USP35: variants seen among roughly 807,000 people sequenced by gnomAD.
USP35 encodes the protein ubiquitin specific peptidase 35, also known as ubiquitin carboxyl-terminal hydrolase 35.
A neutral mutation model predicts 83.8 loss-of-function variants in USP35; 69 were observed. That is an observed-to-expected ratio of 0.82 (90% CI 0.68 to 1.01). The LOEUF (loss-of-function observed/expected upper bound fraction) is 1.01, where lower values mean the gene tolerates loss of function less well. Ranked by LOEUF, USP35 falls within the 50% of genes least tolerant of loss-of-function variation. USP35 has a pLI of 0.00. For missense variants in USP35, 1,503 were observed against 1,362.5 expected (o/e 1.10, Z -1.62); for synonymous variants, 714 against 589.5 (o/e 1.21, Z -3.06).
intron 10 of USP35, among the ~76,000 whole-genome samples, chr11:78,212,641 C>CTGTT (rs1465815558): frequency 6.6e-6 from 1 of 150,826 alleles, no homozygotes. Flanking sequence ...GTATTTTATT[C>CTGTT]TGTTTGTAGC....
At chr11:78,228,980 A>G in the USP35 span, among the ~76,000 whole-genome samples, 1 of 152,058 alleles carries the variant, frequency 6.6e-6, no homozygotes, top group African/African-American at 2.4e-5. Flanking sequence ...CTGATGTCCT[A>G]ATTTCCATCT....
At chr11:78,221,878 A>C in the USP35 span, 2 of 758,174 alleles carry the variant, frequency 2.6e-6, no homozygotes, top group Middle Eastern at 6.4e-4. Context: ...CCCAGACCTC[A>C]GCCATTAGAG....
chr11:78,208,915 C>T lies in USP35; in HGVS notation c.1544C>T (p.Pro515Leu), dbSNP rs370455101. ...GCATCCTGGACGCCCTGGTTCAGCCCTGGCACCCAGCAGGACTGCTCGGAG... is the reference window on the plus strand; with the variant it reads ...GCATCCTGGACGCCCTGGTTCAGCCTTGGCACCCAGCAGGACTGCTCGGAG... ...LSASWTPWFS[P>L]GTQQDCSEYL... The change falls in exon 9 of 11, where the codon CCT becomes CTT. Residue 515 changes from proline to leucine, a missense_variant. Coordinates refer to ENST00000529308, the MANE Select transcript of USP35 (RefSeq NM_020798.4). 9 of 1,614,132 alleles carry T rather than the reference C, an allele frequency of 5.6e-6. No homozygotes were observed. Among genetic ancestry groups the T allele is most frequent in the African/African-American group, 1.3e-5 (1 of 74,938 alleles).
At chr11:78,194,832 C>T (rs191126998) in intron 1 of USP35, among the ~76,000 whole-genome samples, 2 of 152,284 alleles carry the variant, frequency 1.3e-5, no homozygotes, top group African/African-American at 4.8e-5. Flanking sequence ...CTGAAGCTGC[C>T]CTCAAGAACC....
At chr11:78,199,458 C>T (rs1863267632) in intron 3 of USP35, 137 bp from the exon 4 acceptor site, 2 of 1,339,362 alleles carry the variant, frequency 1.5e-6, no homozygotes, top group Admixed American at 2.0e-5. Context: ...CTGGTTCAGC[C>T]CACAGACCCC....
Position 78,213,981 on chromosome 11 carries a change from C to CTAAG in USP35, c.*170_*173dup, listed in dbSNP as rs369356283. 164 of 714,310 alleles carry CTAAG rather than the reference C, an allele frequency of 2.3e-4. 1 individual carries two copies. In the African/African-American group the frequency reaches 2.8e-3, roughly 12 times the overall value. The allele number at this position is 714,310 out of a possible 1,614,324, so 44.2% of individuals were successfully genotyped here. On this transcript the variant is annotated 3_prime_UTR_variant, in exon 11 of 11. Transcript: ENST00000529308. ...ATTCTCTCAGATATGGAAGTAAGAC[C>CTAAG]TAAGTCCCTTTCATTGGGGATCAGT...
intron 1 of USP35, among the ~76,000 whole-genome samples, chr11:78,189,968 C>G (rs1488745580): frequency 1.3e-5 from 2 of 152,130 alleles, no homozygotes; most frequent in African/African-American, 4.8e-5. Flanking sequence ...CCTGAGGGGC[C>G]AGAGATGGAG....
At chr11:78,234,478 T>C in the USP35 span, among the ~76,000 whole-genome samples, 1 of 151,912 alleles carries the variant, frequency 6.6e-6, no homozygotes, top group Non-Finnish European at 1.5e-5. Context: ...GTTCTTTTTT[T>C]ATTATTCCTA....
the USP35 span, among the ~76,000 whole-genome samples, chr11:78,235,215 C>A: frequency 6.6e-6 from 1 of 151,960 alleles, no homozygotes; most frequent in African/African-American, 2.4e-5. Flanking sequence ...TGCAGTGGCA[C>A]GATCTCGGCT....
the USP35 span, chr11:78,226,415 C>T: frequency 7.1e-7 from 1 of 1,408,324 alleles, no homozygotes. Flanking sequence ...ATTGAGAACC[C>T]CTGTGTTACC....
At chr11:78,212,463 A>G (rs1355973227) in intron 10 of USP35, among the ~76,000 whole-genome samples, 1 of 152,160 alleles carries the variant, frequency 6.6e-6, no homozygotes, top group Non-Finnish European at 1.5e-5. Flanking sequence ...GTTTTTTCTA[A>G]TTCTGTGAAT....
At chr11:78,203,356 A>G (rs1327081878) in intron 6 of USP35, among the ~76,000 whole-genome samples, 1 of 151,880 alleles carries the variant, frequency 6.6e-6, no homozygotes, top group Non-Finnish European at 1.5e-5. Flanking sequence ...TGTGAGGGGG[A>G]AGGGAGATCA....
chr11:78,228,428 C>T, the USP35 span, among the ~76,000 whole-genome samples: 820 of 152,246 alleles, frequency 5.4e-3, 8 homozygotes, highest in Middle Eastern at 0.027. Context: ...AGTGTCTCAT[C>T]AGAAAAGGCA....
At position 78,207,624 on chromosome 11, in the gene USP35, G is replaced by C; in HGVS notation, c.1485+1G>C. On this transcript the variant is annotated splice_donor_variant, in intron 8 of 10. Coordinates refer to ENST00000529308, the MANE Select transcript of USP35 (RefSeq NM_020798.4). LOFTEE classifies it high-confidence loss of function. ...CTTTGGCTTCCTAGAACACAGCCAG[G>C]TGAGTGTAGGGGCAGTCAGAGGGGG... 6.2e-7 allele frequency: 1 copy of C among 1,613,880 alleles called. No homozygotes were observed. The highest frequency in any genetic ancestry group is 8.5e-7 in the Non-Finnish European group (1 of 1,179,962).
downstream of USP35, chr11:78,216,307 A>C (rs1864145245): frequency 6.6e-6 from 1 of 152,156 alleles, no homozygotes; most frequent in Admixed American, 6.6e-5. Context: ...AGCAGTGCTG[A>C]GTGGGAAGGT....
At chr11:78,221,874 C>T in the USP35 span, 186 of 802,430 alleles carry the variant, frequency 2.3e-4, no homozygotes, top group Non-Finnish European at 3.7e-4. Context: ...CACACCCAGA[C>T]CTCAGCCATT....
chr11:78,231,644 G>A, the USP35 span, among the ~76,000 whole-genome samples: 1 of 152,144 alleles, frequency 6.6e-6, no homozygotes, highest in Non-Finnish European at 1.5e-5. Context: ...CACTGTGCCC[G>A]GCCTTCCCTT....
the USP35 span, among the ~76,000 whole-genome samples, chr11:78,232,245 C>G: frequency 5.9e-5 from 9 of 152,230 alleles, no homozygotes; most frequent in Non-Finnish European, 8.8e-5. Flanking sequence ...TTTCTATAGA[C>G]TACTGCTGCA....
the USP35 span, among the ~76,000 whole-genome samples, chr11:78,231,225 C>G: frequency 6.6e-6 from 1 of 152,198 alleles, no homozygotes; most frequent in Non-Finnish European, 1.5e-5. Flanking sequence ...TCCCTCAAGC[C>G]AGCAGTGCCA....
Sources: gnomAD v4.1 joint callset for allele counts (sites outside exome capture counted in the v4.1 genomes callset) on GRCh38, gnomAD v4.1.1 for gene constraint, MANE v1.5 for transcripts, NCBI Gene and HGNC (gene_info 2026-07-23, HGNC 2026-07-21) for gene names.